The following NDRG2 variants were observed in gnomAD, a reference collection of about 807,000 sequenced individuals.
NDRG2 encodes NDRG family member 2, also known as protein NDRG2.
Under a neutral mutation model 58.2 loss-of-function variants are expected in NDRG2, and 34 were observed. That is an observed-to-expected ratio of 0.58 (90% CI 0.44 to 0.78). The LOEUF (loss-of-function observed/expected upper bound fraction) is 0.78, where lower values mean the gene tolerates loss of function less well. Among genes scored for constraint, NDRG2 ranks in the 30% least tolerant of loss-of-function variants. NDRG2 has a pLI of 0.00. For synonymous variants in NDRG2, 187 were observed against 175.9 expected, an observed-to-expected ratio of 1.06 and a Z score of -0.50; for missense variants, 434 against 471.2, an observed-to-expected ratio of 0.92 and a Z score of 0.73.
chr14:21,043,211 C>T (rs747797650), intron 1 of NDRG2: 45 of 1,614,062 alleles, frequency 2.8e-5, no homozygotes, highest in Admixed American at 2.3e-4. Flanking sequence ...CCTTCCTGCA[C>T]GAGCCTTTCT....
chr14:21,018,317 T>TCCCTAG, intron 13 of NDRG2, 78 bp from the exon 14 acceptor site: 1 of 1,606,812 alleles, frequency 6.2e-7, no homozygotes, highest in East Asian at 2.2e-5. Context: ...GGGTCTCTCT[T>TCCCTAG]CCCTAGCTTC....
Position 21,022,965 on chromosome 14 carries a change from G to A in NDRG2, c.76-60C>T, listed in dbSNP as rs1290609006. ...ATGACCATGTGGCGTCCCAGATGGA[G>A]AGACAAACAGACAAAGAGAGGCAAG... On this transcript the variant is annotated intron_variant, in intron 2 of 15. Transcript: ENST00000556147. The A allele has an allele frequency of 2.5e-6, 4 of 1,584,856 alleles. No individual in the cohort carries two copies. In the South Asian group the frequency reaches 3.3e-5, roughly 13 times the overall value.
upstream of NDRG2, chr14:21,025,503 C>A (rs1467951801): frequency 3.0e-5 from 30 of 985,340 alleles, no homozygotes; most frequent in Non-Finnish European, 3.5e-5. The surrounding 1 kb of genome is among the most constrained non-coding windows in gnomAD (Gnocchi z 5.1). Context: ...GTTCGACTCC[C>A]CCCGCCCGAA....
chr14:21,066,929 A>G (rs1886299521), intron 1 of NDRG2, among the ~76,000 whole-genome samples: 1 of 152,252 alleles, frequency 6.6e-6, no homozygotes, highest in South Asian at 2.1e-4. Flanking sequence ...ATTGATCCCC[A>G]GATTCCTTGG....
At chr14:21,058,287 C>A in intron 1 of NDRG2, 1 of 1,614,144 alleles carries the variant, frequency 6.2e-7, no homozygotes, top group Non-Finnish European at 8.5e-7. Context: ...TACATAGTGG[C>A]CTGTGACCCT....
At chr14:21,052,839 G>C (rs1451088183) in intron 1 of NDRG2, among the ~76,000 whole-genome samples, 5 of 152,210 alleles carry the variant, frequency 3.3e-5, no homozygotes, top group Non-Finnish European at 7.3e-5. Flanking sequence ...TAGGCAAGGA[G>C]GCAGTTAGAA....
chr14:21,034,380 C>A, intron 1 of NDRG2: 1 of 891,974 alleles, frequency 1.1e-6, no homozygotes, highest in Non-Finnish European at 1.7e-6. Context: ...ATTCCCAACC[C>A]AACAGTACTT....
At chr14:21,063,434 G>A (rs1007338245) in intron 1 of NDRG2, among the ~76,000 whole-genome samples, 8 of 152,346 alleles carry the variant, frequency 5.3e-5, no homozygotes, top group Admixed American at 4.6e-4. Context: ...GATTTGGCTT[G>A]GGGTTATTTG....
rs1293953259 is a variant in NDRG2 at position 21,046,562 on chromosome 14, CA to C, written c.25-23242del. Among the ~76,000 whole-genome samples the C allele has an allele frequency of 6.0e-3, 905 of 151,872 alleles. 5 individuals carry two copies. Among genetic ancestry groups the C allele is most frequent in the Non-Finnish European group, 8.6e-3 (585 of 67,978 alleles). On this transcript the variant is annotated intron_variant, in intron 1 of 14. Coordinates refer to the NDRG2 transcript ENST00000403829. ...AAACAAATACATACATACATACATA[CA>C]TACATACATACATACATACATACAT...
chr14:21,038,482 G>A (rs933622219), intron 1 of NDRG2, among the ~76,000 whole-genome samples: 1 of 152,190 alleles, frequency 6.6e-6, no homozygotes, highest in African/African-American at 2.4e-5. Context: ...TCTGAATTGG[G>A]AGGGTCAGAG....
upstream of NDRG2, among the ~76,000 whole-genome samples, chr14:21,026,478 C>G (rs538264930): frequency 1.1e-3 from 170 of 149,980 alleles, 3 homozygotes; most frequent in African/African-American, 3.9e-3. Flanking sequence ...CCCAAGTTTC[C>G]CTGCCCCCTC....
rs764226284 is a variant in NDRG2 at position 21,017,973 on chromosome 14, GT to G, written c.949+13del. On this transcript the variant is annotated intron_variant, in intron 15 of 15. Transcript: ENST00000556147. Reference sequence around the variant, plus strand: ...CTCTCCTCTAGTGCAGCAAGCTCTTGTCCCGATACTCACTGTAGCCCATGCC... The same window carrying G: ...CTCTCCTCTAGTGCAGCAAGCTCTTGCCCGATACTCACTGTAGCCCATGCC... 6.2e-7 allele frequency: 1 copy of G among 1,614,200 alleles called. No individual in the cohort carries two copies. The highest frequency in any genetic ancestry group is 1.1e-5 in the South Asian group (1 of 91,088).
At chr14:21,043,382 C>T (rs202100589) in intron 1 of NDRG2, 11 of 1,614,094 alleles carry the variant, frequency 6.8e-6, no homozygotes, top group East Asian at 4.5e-5. Context: ...ACAAGTCTTA[C>T]GTAGTGGCCT....
upstream of NDRG2, chr14:21,025,359 C>T (rs1883356493): frequency 1.0e-6 from 1 of 985,264 alleles, no homozygotes; most frequent in Non-Finnish European, 1.2e-6. The surrounding 1 kb of genome is among the most constrained non-coding windows in gnomAD (Gnocchi z 5.1). Flanking sequence ...TGAGAGGGAT[C>T]CCTCGGCTGC....
chr14:21,049,930 C>A (rs1000652751), intron 1 of NDRG2, among the ~76,000 whole-genome samples: 4 of 152,238 alleles, frequency 2.6e-5, no homozygotes, highest in Non-Finnish European at 4.4e-5. Context: ...GTATGCACCA[C>A]CATGCCCGGC....
At chr14:21,020,447 T>C (rs1360688963) in intron 8 of NDRG2, 49 bp downstream of exon 8, 5 of 1,382,006 alleles carry the variant, frequency 3.6e-6, no homozygotes, top group Non-Finnish European at 5.0e-6. Flanking sequence ...ACTGGATCCA[T>C]ACGAGGGGAT....
intron 1 of NDRG2, among the ~76,000 whole-genome samples, chr14:21,059,202 C>T (rs1391214994): frequency 6.6e-6 from 1 of 152,174 alleles, no homozygotes; most frequent in Non-Finnish European, 1.5e-5. Flanking sequence ...GGACCCTCAG[C>T]GTTCTGGAGT....
chr14:21,018,829 T>A lies in NDRG2; in HGVS notation c.762-15A>T. ...TCACAGGACACCTAAAGACACAGTG[T>A]TGGGGAGAAGGCAGTGAGCCCCTGG... On this transcript the variant is annotated splice_polypyrimidine_tract_variant and intron_variant, in intron 11 of 15. Transcript: ENST00000556147. 1 of 1,614,040 alleles carries A rather than the reference T, an allele frequency of 6.2e-7. No homozygotes were observed. The highest frequency in any genetic ancestry group is 1.1e-5 in the South Asian group (1 of 91,076).
In NDRG2 at chr14:21,048,745, T is replaced by C. The variant is rs189685665; in HGVS notation, c.24+22083A>G. Among the ~76,000 whole-genome samples, 16 of 151,954 alleles carry C rather than the reference T, an allele frequency of 1.1e-4. No individual in the cohort carries two copies. The East Asian group carries it at 2.7e-3, about 26-fold the overall frequency. On this transcript the variant is annotated intron_variant, in intron 1 of 14. Coordinates refer to the NDRG2 transcript ENST00000403829. ...CTATTTATCATTGTGGTGTCAAATGTTGAGTGGTCAAACCTGTGATGAATG... is the reference window on the plus strand; with the variant it reads ...CTATTTATCATTGTGGTGTCAAATGCTGAGTGGTCAAACCTGTGATGAATG...
Sources: gnomAD v4.1 joint callset for allele counts (sites outside exome capture counted in the v4.1 genomes callset) on GRCh38, gnomAD v4.1.1 for gene constraint, Gnocchi (gnomAD v3.1) non-coding constraint, MANE v1.5 for transcripts, NCBI Gene and HGNC (gene_info 2026-07-23, HGNC 2026-07-21) for gene names.